ARGFX: variants seen among roughly 807,000 people sequenced by gnomAD.
ARGFX encodes the protein arginine-fifty homeobox.
In ARGFX, 10 loss-of-function variants were observed where a neutral mutation model predicts 8.0. That is an observed-to-expected ratio of 1.25 (90% CI 0.77 to 2.12). ARGFX has a LOEUF of 2.12. Ranked by LOEUF, ARGFX falls within the 30% of genes most tolerant of loss-of-function variation. The probability of loss-of-function intolerance (pLI) is 0.00; values close to 1 mark genes in which losing one functional copy is unlikely to be tolerated. For missense variants in ARGFX, 282 were observed against 324.3 expected, an observed-to-expected ratio of 0.87 and a Z score of 1.00; for synonymous variants, 116 against 117.8, an observed-to-expected ratio of 0.98 and a Z score of 0.10.
intron 1 of ARGFX, among the ~76,000 whole-genome samples, chr3:121,568,657 G>A (rs761394779): frequency 6.6e-5 from 10 of 152,154 alleles, no homozygotes; most frequent in Non-Finnish European, 1.0e-4. Context: ...CAAACTTTTA[G>A]ATCTCATGTC....
intron 2 of ARGFX, 83 bp from the exon 3 acceptor site, chr3:121,576,698 TTTC>T (rs2048738202): frequency 3.8e-6 from 1 of 261,214 alleles, no homozygotes; most frequent in Non-Finnish European, 6.7e-6. Flanking sequence ...TTTCTTTCTC[TTTC>T]TTTCTTTTTC....
At position 121,587,242 on chromosome 3, in the gene ARGFX, G is replaced by A. The variant is rs1166155496; in HGVS notation, c.*642G>A. 6.6e-6 allele frequency among the ~76,000 whole-genome samples: 1 copy of A among 152,058 alleles called. No homozygotes were observed. The highest frequency in any genetic ancestry group is 2.4e-5 in the African/African-American group (1 of 41,384). ...AACTTTTGTATTTTTAGTAGAGACG[G>A]GGTTTCACCACGTTGCCCAGGCTGG... is the stretch of plus-strand genomic sequence containing the variant. On this transcript the variant is annotated 3_prime_UTR_variant, in exon 5 of 5. Transcript: ENST00000334384.
Position 121,586,720 on chromosome 3 carries a change from T to C in ARGFX, c.*120T>C, listed in dbSNP as rs1032004515. ...TCTGGGTCTGTGTCTCTGATTTCCA[T>C]GTAAATGTTGCAAAAAGAGTTTTCC... On this transcript the variant is annotated 3_prime_UTR_variant, in exon 5 of 5. Transcript: ENST00000334384. The C allele has an allele frequency of 2.3e-5, 20 of 888,394 alleles. No individual in the cohort carries two copies. In the African/African-American group the frequency reaches 2.4e-4, roughly 11 times the overall value. 55.0% of individuals were successfully genotyped at this position (888,394 alleles called of 1,614,324 possible).
chr3:121,584,307 A>C (rs993035363), intron 3 of ARGFX, among the ~76,000 whole-genome samples: 1 of 152,050 alleles, frequency 6.6e-6, no homozygotes, highest in Non-Finnish European at 1.5e-5. Context: ...CAAAGAAAAG[A>C]GCCTATTTGC....
chr3:121,584,581 G>A (rs958478700), intron 3 of ARGFX, among the ~76,000 whole-genome samples: 1 of 152,204 alleles, frequency 6.6e-6, no homozygotes, highest in Non-Finnish European at 1.5e-5. Context: ...GAGAATAAAA[G>A]TAAAACAGAA....
intron 2 of ARGFX, among the ~76,000 whole-genome samples, chr3:121,574,633 C>T (rs1207973675): frequency 3.3e-5 from 5 of 152,182 alleles, no homozygotes; most frequent in Admixed American, 1.3e-4. Flanking sequence ...CTATGGGGAG[C>T]GACTGTAAAT....
chr3:121,585,151 C>A, intron 4 of ARGFX, 86 bp downstream of exon 4: 2 of 1,418,964 alleles, frequency 1.4e-6, no homozygotes, highest in East Asian at 2.3e-5. Flanking sequence ...TCTACCCCTG[C>A]CCCACAATAA....
At chr3:121,570,632 T>C in intron 1 of ARGFX, 70 bp from the exon 2 acceptor site, 1 of 1,059,876 alleles carries the variant, frequency 9.4e-7, no homozygotes, top group Non-Finnish European at 1.4e-6. Flanking sequence ...CCCAGGCTCC[T>C]TGAAAACATT....
At chr3:121,584,106 G>A (rs900921406) in intron 3 of ARGFX, among the ~76,000 whole-genome samples, 1 of 151,954 alleles carries the variant, frequency 6.6e-6, no homozygotes, top group African/African-American at 2.4e-5. Flanking sequence ...AGGAGCACAA[G>A]AGTTCAAGGT....
intron 1 of ARGFX, 122 bp from the exon 2 acceptor site, chr3:121,570,580 G>A: frequency 2.0e-6 from 1 of 504,750 alleles, no homozygotes; most frequent in Non-Finnish European, 3.6e-6. Flanking sequence ...TGAGGTAGAG[G>A]AATTGGGGGT....
chr3:121,573,511 C>T (rs2048720180), intron 2 of ARGFX, among the ~76,000 whole-genome samples: 1 of 150,996 alleles, frequency 6.6e-6, no homozygotes, highest in Admixed American at 6.6e-5. Flanking sequence ...AAATGGCAAA[C>T]TATGTAGTGG....
In ARGFX at chr3:121,587,760, A is replaced by C; in HGVS notation, c.*1160A>C. Among the ~76,000 whole-genome samples the C allele has an allele frequency of 6.6e-6, 1 of 151,920 alleles. No homozygotes were observed. Among genetic ancestry groups the C allele is most frequent in the East Asian group, 1.9e-4 (1 of 5,150 alleles). ...TGCAGCCTCTGCCTCCTGGGCTCAAACAGTCCTCCCACCTCAGCCTTCTGA... is the reference window on the plus strand; with the variant it reads ...TGCAGCCTCTGCCTCCTGGGCTCAACCAGTCCTCCCACCTCAGCCTTCTGA... On this transcript the variant is annotated 3_prime_UTR_variant, in exon 5 of 5. Coordinates refer to ENST00000334384, the MANE Select transcript of ARGFX (RefSeq NM_001012659.2).
At chr3:121,572,930 A>G (rs1221907194) in intron 2 of ARGFX, among the ~76,000 whole-genome samples, 1 of 152,182 alleles carries the variant, frequency 6.6e-6, no homozygotes, top group Non-Finnish European at 1.5e-5. Flanking sequence ...GGTGTTGGGA[A>G]AACTGAATAT....
intron 3 of ARGFX, among the ~76,000 whole-genome samples, chr3:121,577,259 A>ATATATT (rs1403064031): frequency 0.014 from 817 of 59,264 alleles, 6 homozygotes; most frequent in Non-Finnish European, 0.017. Context: ...ATATATATAT[A>ATATATT]TTTTTTTTTT....
rs1233699233 is a variant in ARGFX at position 121,585,937 on chromosome 3, T to C, written c.370-85T>C. On this transcript the variant is annotated intron_variant, in intron 4 of 4. Transcript: ENST00000334384. ...TGAATTAGAGAGGACATGAAGATTA[T>C]AACCTGGCTGTTTTCACTCAGGAGA... 4 of 1,311,246 alleles carry C rather than the reference T, an allele frequency of 3.1e-6. No homozygotes were observed. In the African/African-American group the frequency reaches 5.9e-5, roughly 19 times the overall value. 81.2% of individuals were successfully genotyped at this position (1,311,246 alleles called of 1,614,324 possible). A position where few individuals can be genotyped will look rare whatever the true frequency, so the allele number is the denominator to read the frequency against.
intron 1 of ARGFX, among the ~76,000 whole-genome samples, chr3:121,569,014 T>A (rs1383318982): frequency 6.6e-6 from 1 of 152,202 alleles, no homozygotes; most frequent in Non-Finnish European, 1.5e-5. Context: ...AAGTGAAAAC[T>A]GAGATTAAAA....
chr3:121,583,592 A>C (rs2048793205), intron 3 of ARGFX, among the ~76,000 whole-genome samples: 1 of 151,790 alleles, frequency 6.6e-6, no homozygotes, highest in African/African-American at 2.4e-5. Context: ...TGCGGTGACA[A>C]TCATGGTTCA....
chr3:121,582,939 C>G (rs1400112779), intron 3 of ARGFX, among the ~76,000 whole-genome samples: 1 of 151,800 alleles, frequency 6.6e-6, no homozygotes, highest in Non-Finnish European at 1.5e-5. Context: ...TTCCTGGCCT[C>G]AAGCAATTTT....
At position 121,586,764 on chromosome 3, in the gene ARGFX, C is replaced by A; in HGVS notation, c.*164C>A. 3 of 641,668 alleles carry A rather than the reference C, an allele frequency of 4.7e-6. No individual in the cohort carries two copies. The highest frequency in any genetic ancestry group is 7.8e-6 in the Non-Finnish European group (3 of 382,276). The allele number at this position is 641,668 out of a possible 1,614,324, so 39.7% of individuals were successfully genotyped here. A position where few individuals can be genotyped will look rare whatever the true frequency, so the allele number is the denominator to read the frequency against. Reference sequence around the variant, plus strand: ...GTTTTCCAAGTAGAGCTGGGCACTACGTAATCAGCCCCACAAGTCTCCCTG... The same window carrying A: ...GTTTTCCAAGTAGAGCTGGGCACTAAGTAATCAGCCCCACAAGTCTCCCTG... On this transcript the variant is annotated 3_prime_UTR_variant, in exon 5 of 5. Transcript: ENST00000334384.
Sources: gnomAD v4.1 joint callset for allele counts (sites outside exome capture counted in the v4.1 genomes callset) on GRCh38, gnomAD v4.1.1 for gene constraint, MANE v1.5 for transcripts, NCBI Gene and HGNC (gene_info 2026-07-23, HGNC 2026-07-21) for gene names.